Variants in REN observed in about 807,000 individuals in gnomAD.
The protein encoded by REN is renin, also known as angiotensin-forming enzyme.
In REN, 42 loss-of-function variants were observed where a neutral mutation model predicts 48.6. The observed-to-expected ratio is 0.86, with a 90% CI of 0.68 to 1.12. The LOEUF (loss-of-function observed/expected upper bound fraction) is 1.12, where lower values mean the gene tolerates loss of function less well. REN is among the 50% of genes most tolerant of loss of function. The probability of loss-of-function intolerance (pLI) is 0.00; values close to 1 mark genes in which losing one functional copy is unlikely to be tolerated. For missense variants in REN, 443 were observed against 527.3 expected (o/e 0.84, Z 1.57); for synonymous variants, 196 against 204.6 (o/e 0.96, Z 0.36).
At position 204,154,926 on chromosome 1, in the gene REN, G is replaced by A. The variant is rs1658121793; in HGVS notation, c.*90C>T. On this transcript the variant is annotated 3_prime_UTR_variant, in exon 10 of 10. Transcript: ENST00000272190. ...CTCCACATCCAATGTCTCCATCTGA[G>A]GGCATAAGCCCAGGCAGAGGGGCAT... is the stretch of plus-strand genomic sequence containing the variant. 3 of 1,471,780 alleles carry A rather than the reference G, an allele frequency of 2.0e-6. No homozygotes were observed. The highest frequency in any genetic ancestry group is 3.5e-5 in the Admixed American group (2 of 57,820). 91.2% of individuals were successfully genotyped at this position (1,471,780 alleles called of 1,614,324 possible).
At position 204,162,318 on chromosome 1, in the gene REN, A is replaced by C. The variant is rs1239526789; in HGVS notation, c.99-155T>G. Among the ~76,000 whole-genome samples the C allele has an allele frequency of 3.3e-5, 5 of 152,204 alleles. No homozygotes were observed. The East Asian group carries it at 9.6e-4, about 29-fold the overall frequency. On this transcript the variant is annotated intron_variant, in intron 1 of 9. Transcript: ENST00000272190. ...CTCTGTCGCTGAGGGCCTCTGGAGC[A>C]TTTATAAGAGTTACTTCTTGTCAAG...
chr1:204,164,885 G>A (rs1658316806), intron 1 of REN, among the ~76,000 whole-genome samples: 1 of 151,848 alleles, frequency 6.6e-6, no homozygotes, highest in East Asian at 1.9e-4. Context: ...CAGTCTTAAT[G>A]AATCACTTGT....
chr1:204,159,529 G>T lies in REN; in HGVS notation c.559C>A (p.Leu187Met). 1 of 1,614,188 alleles carries T rather than the reference G, an allele frequency of 6.2e-7. No individual in the cohort carries two copies. Among genetic ancestry groups the T allele is most frequent in the Non-Finnish European group, 8.5e-7 (1 of 1,180,020 alleles). Residue 187 changes from leucine to methionine, a missense_variant, in exon 5 of 10, where the codon CTG becomes ATG. Physicochemically the swap from Leu to Met is conservative, Grantham distance 15. Transcript: ENST00000272190. ...VTEMPALPFM[L>M]AEFDGVVGMG... ...CCCACAACCCCATCAAACTCGGCCA[G>T]CATGAAGGGTAAGGCGGGCATCTCC...
chr1:204,157,417 C>T (rs1325439956), intron 5 of REN, 48 bp from the exon 6 acceptor site: 2 of 1,613,922 alleles, frequency 1.2e-6, no homozygotes, highest in Non-Finnish European at 1.7e-6. Flanking sequence ...TTCATGCCAG[C>T]CTCATCAGCC....
At position 204,160,595 on chromosome 1, in the gene REN, TC is replaced by T. The variant is rs1251532278; in HGVS notation, c.456del (p.Thr153GlnfsTer18). On this transcript the variant is annotated frameshift_variant, in exon 4 of 10. Coordinates refer to ENST00000272190, the MANE Select transcript of REN (RefSeq NM_000537.4). LOFTEE classifies it high-confidence loss of function. ...TCCTGGCTGAGAAAGCCACTGACTG[TC>T]CCTGTTGAATAGCGGAGGGTGAGTT... ...GTELTLRYST[G>X]TVSGFLSQDI... 5.0e-6 allele frequency: 8 copies of T among 1,614,142 alleles called. No individual in the cohort carries two copies. Among genetic ancestry groups the T allele is most frequent in the Non-Finnish European group, 6.8e-6 (8 of 1,179,960 alleles).
Position 204,161,975 on chromosome 1 carries a change from A to G in REN, c.249+38T>C, listed in dbSNP as rs769990094. On this transcript the variant is annotated intron_variant, in intron 2 of 9. Coordinates refer to ENST00000272190, the MANE Select transcript of REN (RefSeq NM_000537.4). ...AAGCCCTAGGTCCATGAGGGAAAGG[A>G]GACAGGGAGGGAGCGAGGGGCTGAG... 4.8e-5 allele frequency: 78 copies of G among 1,611,956 alleles called. No individual in the cohort carries two copies. The South Asian group carries it at 8.5e-4, about 17-fold the overall frequency.
intron 2 of REN, 142 bp downstream of exon 2, chr1:204,161,871 G>T (rs1414126101): frequency 9.6e-7 from 1 of 1,042,662 alleles, no homozygotes; most frequent in Non-Finnish European, 1.4e-6. Flanking sequence ...CTGGAAAATG[G>T]GAATTTTCTA....
At position 204,156,678 on chromosome 1, in the gene REN, C is replaced by A; in HGVS notation, c.817G>T (p.Gly273Trp). 1.2e-6 allele frequency: 2 copies of A among 1,614,114 alleles called. No homozygotes were observed. The highest frequency in any genetic ancestry group is 2.2e-5 in the South Asian group (2 of 91,070). Residue 273 changes from glycine (G) to tryptophan (W), a missense_variant and splice_region_variant, in exon 7 of 10, where the codon GGG becomes TGG. By Grantham distance (184) the Gly-to-Trp change is radical (BLOSUM62 -2). Transcript: ENST00000272190. The surrounding 1 kb of genome is among the most constrained non-coding windows in gnomAD (Gnocchi z 4.2). ...KTGVWQIQMK[G>W]VSVGSSTLLC... ...CGGGGAGGGTTGAGGATTTCTGACCCCTTCATTTGAATCTGCCAGACACCA... is the reference window on the plus strand; with the variant it reads ...CGGGGAGGGTTGAGGATTTCTGACCACTTCATTTGAATCTGCCAGACACCA...
At chr1:204,157,012 T>G (rs1658162428) in intron 6 of REN, among the ~76,000 whole-genome samples, 1 of 152,158 alleles carries the variant, frequency 6.6e-6, no homozygotes, top group Admixed American at 6.5e-5. Context: ...AACCAGAGGT[T>G]GTTCCAGGGT....
In REN at chr1:204,155,102, A is replaced by AGGTGGGTCC; in HGVS notation, c.1126_1134dup (p.Gly376_Thr378dup). The AGGTGGGTCC allele has an allele frequency of 6.2e-7, 1 of 1,614,246 alleles. No individual in the cohort carries two copies. The highest frequency in any genetic ancestry group is 8.5e-7 in the Non-Finnish European group (1 of 1,180,028). ...CGGATGAAGGTGGCCCCCAGGGCCC[A>AGGTGGGTCC]GGTGGGTCCAGTGGGTGGCGGGATA... On this transcript the variant is annotated inframe_insertion, in exon 10 of 10. Transcript: ENST00000272190.
At chr1:204,157,495 G>A (rs918922947) in intron 5 of REN, 126 bp from the exon 6 acceptor site, 13 of 1,351,270 alleles carry the variant, frequency 9.6e-6, no homozygotes, top group Non-Finnish European at 1.4e-5. Context: ...ACCAAGAGGC[G>A]AAGTCACTTG....
At chr1:204,163,754 C>T (rs1021370199) in intron 1 of REN, among the ~76,000 whole-genome samples, 3 of 152,154 alleles carry the variant, frequency 2.0e-5, no homozygotes, top group Non-Finnish European at 2.9e-5. Flanking sequence ...GAACTGGTGC[C>T]GTACGGTGGT....
chr1:204,165,091 C>T (rs1183611828), intron 1 of REN, among the ~76,000 whole-genome samples: 1 of 152,096 alleles, frequency 6.6e-6, no homozygotes, highest in East Asian at 1.9e-4. Flanking sequence ...CCTGCCTCAG[C>T]CTCCCAAGTA....
rs1356009355 is a variant in REN at position 204,160,624 on chromosome 1, G to C, written c.428C>G (p.Thr143Arg). Residue 143 changes from threonine to arginine, a missense_variant, in exon 4 of 10, where the codon ACA (threonine) becomes AGA (arginine). Coordinates refer to ENST00000272190, the MANE Select transcript of REN (RefSeq NM_000537.4). ...TGTTGAATAGCGGAGGGTGAGTTCTGTTCCATTGTGCTTGTAGCTGGAGGA... is the reference window on the plus strand; with the variant it reads ...TGTTGAATAGCGGAGGGTGAGTTCTCTTCCATTGTGCTTGTAGCTGGAGGA... ...SDSSSYKHNG[T>R]ELTLRYSTGT... 5.0e-6 allele frequency: 8 copies of C among 1,614,090 alleles called. No homozygotes were observed. The highest frequency in any genetic ancestry group is 8.5e-7 in the Non-Finnish European group (1 of 1,180,036).
In REN at chr1:204,155,961, G is replaced by A. The variant is rs3795575; in HGVS notation, c.961-43C>T. On this transcript the variant is annotated intron_variant, in intron 8 of 9. Coordinates refer to ENST00000272190, the MANE Select transcript of REN (RefSeq NM_000537.4). ...GAGAGCCTTCTTGAGTATGGAAGAC[G>A]TCTCAGCAGACAAGGAGTCCTGCGC... 0.13 allele frequency: 203,616 copies of A among 1,542,266 alleles called. 14,039 individuals carry two copies. The highest frequency in any genetic ancestry group is 0.19 in the Admixed American group (11,309 of 59,720).
At chr1:204,160,315 A>G (rs908306182) in intron 4 of REN, among the ~76,000 whole-genome samples, 2 of 152,244 alleles carry the variant, frequency 1.3e-5, no homozygotes, top group Non-Finnish European at 2.9e-5. Context: ...CAAGCCCTAC[A>G]TGCAAGTTAG....
At position 204,162,065 on chromosome 1, in the gene REN, C is replaced by A. The variant is rs754493054; in HGVS notation, c.197G>T (p.Arg66Met). 6 of 1,614,098 alleles carry A rather than the reference C, an allele frequency of 3.7e-6. No homozygotes were observed. Among genetic ancestry groups the A allele is most frequent in the Non-Finnish European group, 5.1e-6 (6 of 1,180,024 alleles). Residue 66 changes from arginine to methionine, a missense_variant, in exon 2 of 10, where the codon AGG becomes ATG. Transcript: ENST00000272190. ...LGPEWSQPMKRLTLGNTTSSV... is the reference protein window; with the variant it reads ...LGPEWSQPMKMLTLGNTTSSV... ...GGAGGTGGTGTTGCCAAGTGTCAGC[C>A]TCTTCATGGGTTGGCTCCACTCGGG... is the stretch of plus-strand genomic sequence containing the variant.
At chr1:204,165,081 C>T (rs1479998034) in intron 1 of REN, among the ~76,000 whole-genome samples, 7 of 152,064 alleles carry the variant, frequency 4.6e-5, no homozygotes, top group Non-Finnish European at 1.0e-4. Flanking sequence ...AAGCGATTCT[C>T]CTGCCTCAGC....
chr1:204,164,854 C>T (rs1443482680), intron 1 of REN, among the ~76,000 whole-genome samples: 2 of 152,090 alleles, frequency 1.3e-5, no homozygotes, highest in African/African-American at 4.8e-5. Flanking sequence ...AAGCATGAGC[C>T]GCGTGCCCAG....
Sources: allele counts gnomAD v4.1 joint callset (sites outside exome capture counted in the v4.1 genomes callset), GRCh38; gene constraint gnomAD v4.1.1; non-coding constraint Gnocchi (gnomAD v3.1); transcripts MANE v1.5; gene names NCBI Gene and HGNC (gene_info 2026-07-23, HGNC 2026-07-21).